Variants in B3GAT2 observed in about 807,000 individuals in gnomAD.
B3GAT2 encodes the protein beta-1,3-glucuronyltransferase 2, also known as galactosylgalactosylxylosylprotein 3-beta-glucuronosyltransferase 2.
B3GAT2 carries 26 observed loss-of-function variants against 27.8 expected under a neutral mutation model. The observed-to-expected ratio is 0.93, with a 90% CI of 0.68 to 1.30. The LOEUF (loss-of-function observed/expected upper bound fraction) is 1.30. Ranked by LOEUF, B3GAT2 falls within the 50% of genes most tolerant of loss-of-function variation. The probability of loss-of-function intolerance (pLI) is 0.00; values close to 1 mark genes in which losing one functional copy is unlikely to be tolerated. For missense variants in B3GAT2, 458 were observed against 459.0 expected (o/e 1.00, Z 0.02); for synonymous variants, 218 against 195.1 (o/e 1.12, Z -0.98).
rs569128888 is a variant in B3GAT2, at chr6:70,940,657, G to A, written c.591+15182C>T. 3.9e-5 allele frequency among the ~76,000 whole-genome samples: 6 copies of A among 152,254 alleles called. No homozygotes were observed. In the East Asian group the frequency reaches 7.7e-4, roughly 20 times the overall value. Reference sequence around the variant, plus strand: ...AAAACCACACCTAGGGCCAGGCACCGTGGCTCACACCTGTAATCCCAGCAC... The same window carrying A: ...AAAACCACACCTAGGGCCAGGCACCATGGCTCACACCTGTAATCCCAGCAC... On this transcript the variant is annotated intron_variant, in intron 1 of 3. Transcript: ENST00000230053.
intron 2 of B3GAT2, among the ~76,000 whole-genome samples, chr6:70,886,333 A>T (rs1459804205): frequency 6.6e-6 from 1 of 152,244 alleles, no homozygotes. Context: ...GTGAGGATTC[A>T]TGAAGAAAGA....
chr6:70,857,819 T>G lies in B3GAT2; in HGVS notation c.*3844A>C. The stretch of plus-strand genomic sequence containing the variant: ...GAGCAGCCAAACTGGAATTAAAATG[T>G]TTGCTGTGAGTAGTTCAGAAAGGCA... On this transcript the variant is annotated 3_prime_UTR_variant, in exon 4 of 4. Transcript: ENST00000230053. 1 of 1,279,158 alleles carries G rather than the reference T, an allele frequency of 7.8e-7. No homozygotes were observed. The allele number at this position is 1,279,158 out of a possible 1,614,324, so 79.2% of individuals were successfully genotyped here.
chr6:70,944,778 T>A (rs1765451184), intron 1 of B3GAT2, among the ~76,000 whole-genome samples: 1 of 152,114 alleles, frequency 6.6e-6, no homozygotes, highest in South Asian at 2.1e-4. Context: ...CTCAAGTGGG[T>A]CCCTGACCCC....
In B3GAT2 at chr6:70,943,805, G is replaced by A. The variant is rs116069724; in HGVS notation, c.591+12034C>T. On this transcript the variant is annotated intron_variant, in intron 1 of 3. Transcript: ENST00000230053. ...AATATTATCAGGAGAAAAAAGGTAGGGGTAGGAATTGGGGAAATGTTTGGT... is the reference window on the plus strand; with the variant it reads ...AATATTATCAGGAGAAAAAAGGTAGAGGTAGGAATTGGGGAAATGTTTGGT... Among the ~76,000 whole-genome samples, 701 of 152,112 alleles carry A rather than the reference G, an allele frequency of 4.6e-3. 5 individuals are homozygous for A. Among genetic ancestry groups the A allele is most frequent in the African/African-American group, 0.016 (662 of 41,494 alleles).
chr6:70,899,651 A>G (rs1290721015), intron 1 of B3GAT2, among the ~76,000 whole-genome samples: 2 of 152,202 alleles, frequency 1.3e-5, no homozygotes, highest in African/African-American at 4.8e-5. Flanking sequence ...ATGCTTCATC[A>G]CAGAATTAGC....
chr6:70,936,244 T>C (rs1227688643), intron 1 of B3GAT2, among the ~76,000 whole-genome samples: 1 of 151,960 alleles, frequency 6.6e-6, no homozygotes, highest in Non-Finnish European at 1.5e-5. Context: ...AGCACCCAGA[T>C]TCATAAAGCA....
At chr6:70,890,681 G>C (rs563015295) in intron 2 of B3GAT2, among the ~76,000 whole-genome samples, 4 of 152,314 alleles carry the variant, frequency 2.6e-5, no homozygotes, top group African/African-American at 9.6e-5. Context: ...CAGCGCGTGG[G>C]GGGCATGTGA....
intron 2 of B3GAT2, among the ~76,000 whole-genome samples, chr6:70,870,884 T>C (rs1771923352): frequency 6.6e-6 from 1 of 152,178 alleles, no homozygotes; most frequent in East Asian, 1.9e-4. Context: ...TTTTCATAGA[T>C]ATGCTTTATC....
chr6:70,944,509 G>A (rs1318709578), intron 1 of B3GAT2, among the ~76,000 whole-genome samples: 1 of 152,220 alleles, frequency 6.6e-6, no homozygotes, highest in Non-Finnish European at 1.5e-5. Flanking sequence ...GCGGCAGCGA[G>A]GCTGGGGGAG....
chr6:70,906,244 T>C (rs987369567), intron 1 of B3GAT2, among the ~76,000 whole-genome samples: 12 of 152,200 alleles, frequency 7.9e-5, no homozygotes, highest in South Asian at 2.1e-4. Context: ...TTATTAACCA[T>C]GCAGTTTCAA....
intron 1 of B3GAT2, among the ~76,000 whole-genome samples, chr6:70,944,445 A>G (rs923333963): frequency 1.5e-4 from 10 of 67,624 alleles, no homozygotes; most frequent in African/African-American, 6.1e-4. Flanking sequence ...GCGCCCACGG[A>G]GTCTCGCTGA....
chr6:70,949,511 C>T (rs1314165452), intron 1 of B3GAT2, among the ~76,000 whole-genome samples: 5 of 148,250 alleles, frequency 3.4e-5, no homozygotes, highest in Non-Finnish European at 7.5e-5. Context: ...GAGATACCAT[C>T]TCACACCAGT....
chr6:70,928,611 A>T (rs1342782951), intron 1 of B3GAT2, among the ~76,000 whole-genome samples: 1 of 152,204 alleles, frequency 6.6e-6, no homozygotes, highest in East Asian at 1.9e-4. Flanking sequence ...TCCTGGACAC[A>T]TACAACCTCC....
At chr6:70,894,092 C>A (rs576071209) in intron 2 of B3GAT2, 36 bp downstream of exon 2, 39 of 1,570,012 alleles carry the variant, frequency 2.5e-5, no homozygotes, top group Admixed American at 1.1e-4. Context: ...TAAGAACAGT[C>A]CAGCAGGAAC....
At chr6:70,914,761 T>TC (rs1772741231) in intron 1 of B3GAT2, among the ~76,000 whole-genome samples, 1 of 40,888 alleles carries the variant, frequency 2.4e-5, no homozygotes, top group Admixed American at 3.8e-4. Flanking sequence ...ATTGAATAAC[T>TC]TTTTTTTTAA....
chr6:70,955,760 G>A (rs1034177636), intron 1 of B3GAT2, 79 bp downstream of exon 1: 1 of 1,427,220 alleles, frequency 7.0e-7, no homozygotes, highest in Non-Finnish European at 9.3e-7. Context: ...CGGAGTGCAA[G>A]GGGCGTGTGA....
At chr6:70,929,111 C>CA (rs1246578094) in intron 1 of B3GAT2, among the ~76,000 whole-genome samples, 3 of 147,888 alleles carry the variant, frequency 2.0e-5, no homozygotes, top group Admixed American at 6.9e-5. Flanking sequence ...ATCGCAAGGA[C>CA]AAAAAACCAA....
At position 70,857,318 on chromosome 6, in the gene B3GAT2, C is replaced by T. The variant is rs749845573; in HGVS notation, c.*4345G>A. 1.7e-4 allele frequency: 40 copies of T among 235,946 alleles called. No individual in the cohort carries two copies. The highest frequency in any genetic ancestry group is 2.9e-4 in the Non-Finnish European group (36 of 122,104). The allele number at this position is 235,946 out of a possible 1,614,324, so 14.6% of individuals were successfully genotyped here. ...GATTATCTTTGATGAATTATTGAAA[C>T]GATTTGCATGAAGTTTATGACTGCG... On this transcript the variant is annotated 3_prime_UTR_variant, in exon 4 of 4. Transcript: ENST00000230053.
chr6:70,862,270 A>G (rs1771768387), intron 2 of B3GAT2, among the ~76,000 whole-genome samples: 1 of 152,224 alleles, frequency 6.6e-6, no homozygotes, highest in African/African-American at 2.4e-5. Context: ...GCTGTTTCAC[A>G]GTGATCATCA....
Sources: gnomAD v4.1 joint callset for allele counts (sites outside exome capture counted in the v4.1 genomes callset) on GRCh38, gnomAD v4.1.1 for gene constraint, MANE v1.5 for transcripts, NCBI Gene and HGNC (gene_info 2026-07-23, HGNC 2026-07-21) for gene names.